STXBP6: variants seen among roughly 807,000 people sequenced by gnomAD.
The protein encoded by STXBP6 is syntaxin-binding protein 6.
STXBP6 carries 21 observed loss-of-function variants against 26.9 expected under a neutral mutation model. That is an observed-to-expected ratio of 0.78 (90% CI 0.55 to 1.12). The LOEUF is 1.12. STXBP6 is among the 50% of genes most tolerant of loss of function. The pLI is 0.00. For synonymous variants in STXBP6, 97 were observed against 92.6 expected (o/e 1.05, Z -0.27); for missense variants, 232 against 257.9 (o/e 0.90, Z 0.69).
chr14:24,861,788 T>C (rs1425717559), intron 2 of STXBP6, among the ~76,000 whole-genome samples: 1 of 152,150 alleles, frequency 6.6e-6, no homozygotes, highest in Non-Finnish European at 1.5e-5. Context: ...GTGTTATAAT[T>C]TGGGGACATA....
At chr14:24,967,239 G>C (rs1239190598) in intron 2 of STXBP6, among the ~76,000 whole-genome samples, 1 of 152,154 alleles carries the variant, frequency 6.6e-6, no homozygotes, top group African/African-American at 2.4e-5. Context: ...CATGTGGAAA[G>C]GGTACAGAAT....
chr14:25,007,425 C>T (rs1738954990), intron 1 of STXBP6, among the ~76,000 whole-genome samples: 1 of 152,178 alleles, frequency 6.6e-6, no homozygotes, highest in Non-Finnish European at 1.5e-5. Context: ...AATGACTGTT[C>T]TATTTCATGC....
At chr14:24,930,546 G>A (rs1228550250) in intron 2 of STXBP6, among the ~76,000 whole-genome samples, 2 of 152,140 alleles carry the variant, frequency 1.3e-5, no homozygotes, top group Non-Finnish European at 2.9e-5. Flanking sequence ...GACACCCAGG[G>A]TTGCTGCCAT....
intron 2 of STXBP6, among the ~76,000 whole-genome samples, chr14:24,929,361 A>G (rs2072297335): frequency 1.3e-5 from 2 of 152,230 alleles, no homozygotes; most frequent in African/African-American, 4.8e-5. Context: ...AATGTGCTTT[A>G]AGACATGAAA....
At chr14:24,858,731 C>T (rs1232006553) in intron 2 of STXBP6, among the ~76,000 whole-genome samples, 2 of 151,956 alleles carry the variant, frequency 1.3e-5, no homozygotes, top group East Asian at 1.9e-4. Context: ...AATGGGAGAC[C>T]TAATAGGTTT....
chr14:24,974,689 A>G lies in STXBP6; in HGVS notation c.130T>C (p.Tyr44His), dbSNP rs1327859249. 6.4e-7 allele frequency: 1 copy of G among 1,555,494 alleles called. No individual in the cohort carries two copies. The highest frequency in any genetic ancestry group is 2.4e-5 in the East Asian group (1 of 41,644). ...PFLATGGQGE[Y>H]LTYICLSVTN... Reference sequence around the variant, plus strand: ...CCTGACAGGCAGATATAAGTTAAATATTCGCCTTGACCTCCAGTTGCCAAG... The same window carrying G: ...CCTGACAGGCAGATATAAGTTAAATGTTCGCCTTGACCTCCAGTTGCCAAG... The change falls in exon 2 of 6, where the codon TAT (tyrosine) becomes CAT (histidine). Residue 44 changes from tyrosine to histidine, a missense_variant. Transcript: ENST00000323944.
chr14:25,019,981 A>T lies in STXBP6; in HGVS notation c.-33+29897T>A, dbSNP rs77314293. On this transcript the variant is annotated intron_variant, in intron 1 of 5. Coordinates refer to ENST00000323944, the MANE Select transcript of STXBP6 (RefSeq NM_001394410.1). ...ACAGAAGTAATTTTTGAGCTCTAAG[A>T]TTACTGCATATAAACTATAGACTGA... is the stretch of plus-strand genomic sequence containing the variant. Among the ~76,000 whole-genome samples, 617 of 151,416 alleles carry T rather than the reference A, an allele frequency of 4.1e-3. 13 individuals are homozygous for T. In the East Asian group the frequency reaches 0.042, roughly 10 times the overall value.
intron 2 of STXBP6, among the ~76,000 whole-genome samples, chr14:24,945,138 A>T (rs1002061289): frequency 3.8e-4 from 16 of 41,886 alleles, no homozygotes; most frequent in Non-Finnish European, 7.2e-4. Flanking sequence ...ACCAATTAGG[A>T]ATTTTTTTTT....
intron 2 of STXBP6, among the ~76,000 whole-genome samples, chr14:24,884,768 T>C (rs1408997179): frequency 9.1e-6 from 1 of 109,562 alleles, no homozygotes; most frequent in Non-Finnish European, 1.9e-5. Flanking sequence ...CTATTAATAA[T>C]TTATTATTTA....
Position 24,881,838 on chromosome 14 carries a change from G to C in STXBP6, c.155-24681C>G, listed in dbSNP as rs149421500. Among the ~76,000 whole-genome samples the C allele has an allele frequency of 5.3e-3, 813 of 152,312 alleles. 7 individuals are homozygous for C. Among genetic ancestry groups the C allele is most frequent in the African/African-American group, 0.019 (786 of 41,572 alleles). Reference sequence around the variant, plus strand: ...AGCAACTGTGTGTACAGGGGCTAGTGGTTGGCTGGAGCGAAGATGTGCAGG... The same window carrying C: ...AGCAACTGTGTGTACAGGGGCTAGTCGTTGGCTGGAGCGAAGATGTGCAGG... On this transcript the variant is annotated intron_variant, in intron 2 of 5. Transcript: ENST00000323944.
In STXBP6 at chr14:24,942,771, G is replaced by A. The variant is rs993038265; in HGVS notation, c.154+31894C>T. On this transcript the variant is annotated intron_variant, in intron 2 of 5. Coordinates refer to ENST00000323944, the MANE Select transcript of STXBP6 (RefSeq NM_001394410.1). Reference sequence around the variant, plus strand: ...TAAAGGGGGTGGTTCATGCCCTTGTGGCCTAGTCCCAATCCCACAGACCAA... The same window carrying A: ...TAAAGGGGGTGGTTCATGCCCTTGTAGCCTAGTCCCAATCCCACAGACCAA... Among the ~76,000 whole-genome samples, 7 of 152,170 alleles carry A rather than the reference G, an allele frequency of 4.6e-5. 2 individuals carry two copies. The highest frequency in any genetic ancestry group is 3.9e-4 in the Admixed American group (6 of 15,274).
chr14:24,889,422 G>C (rs1207540792), intron 2 of STXBP6, among the ~76,000 whole-genome samples: 2 of 111,166 alleles, frequency 1.8e-5, no homozygotes, highest in Non-Finnish European at 3.5e-5. Context: ...TTGTGGGGTG[G>C]GGGGAGGGGG....
At chr14:24,851,825 T>C (rs1204030462) in intron 4 of STXBP6, among the ~76,000 whole-genome samples, 1 of 152,104 alleles carries the variant, frequency 6.6e-6, no homozygotes, top group Non-Finnish European at 1.5e-5. Context: ...CTGTAGGTTG[T>C]TGCATAGTCC....
chr14:25,004,806 G>A lies in STXBP6; in HGVS notation c.-32-29956C>T, dbSNP rs1157829005. Reference sequence around the variant, plus strand: ...CCTAGATTCTACACTCAGCTACTGGGGAGTGCGCAGCAAGAAGCATAGCTT... The same window carrying A: ...CCTAGATTCTACACTCAGCTACTGGAGAGTGCGCAGCAAGAAGCATAGCTT... On this transcript the variant is annotated intron_variant, in intron 1 of 5. Transcript: ENST00000323944. 6.6e-5 allele frequency among the ~76,000 whole-genome samples: 10 copies of A among 152,348 alleles called. No homozygotes were observed. In the East Asian group the frequency reaches 9.6e-4, roughly 15 times the overall value.
At chr14:24,821,787 T>G (rs1249782469) in intron 4 of STXBP6, among the ~76,000 whole-genome samples, 2 of 152,188 alleles carry the variant, frequency 1.3e-5, no homozygotes, top group African/African-American at 4.8e-5. Flanking sequence ...TTTTCACCTG[T>G]AGATGCAATG....
chr14:24,836,882 C>T (rs990584273), intron 4 of STXBP6, among the ~76,000 whole-genome samples: 2 of 152,102 alleles, frequency 1.3e-5, no homozygotes, highest in African/African-American at 4.8e-5. Flanking sequence ...TAAAGCCTTA[C>T]CTTATATGCC....
intron 1 of STXBP6, among the ~76,000 whole-genome samples, chr14:25,000,531 C>CT (rs771492532): frequency 4.0e-5 from 6 of 151,554 alleles, no homozygotes; most frequent in Non-Finnish European, 8.8e-5. Flanking sequence ...CATTCTGCCC[C>CT]TAGGCTAGCC....
intron 2 of STXBP6, among the ~76,000 whole-genome samples, chr14:24,927,164 C>T (rs113716970): frequency 0.017 from 2,651 of 152,254 alleles, 55 homozygotes; most frequent in African/African-American, 0.059. Context: ...GGCACTGTTA[C>T]TCATTATTAA....
intron 1 of STXBP6, among the ~76,000 whole-genome samples, chr14:24,991,428 T>C (rs17109452): frequency 0.033 from 5,027 of 152,284 alleles, 301 homozygotes; most frequent in African/African-American, 0.12. Flanking sequence ...AATCAGTTTA[T>C]ACAGGTCATT....
Sources: allele counts gnomAD v4.1 joint callset (sites outside exome capture counted in the v4.1 genomes callset), GRCh38; gene constraint gnomAD v4.1.1; transcripts MANE v1.5; gene names NCBI Gene and HGNC (gene_info 2026-07-23, HGNC 2026-07-21).